The following AP4B1 variants were observed in gnomAD, a reference collection of about 807,000 sequenced individuals.
The protein encoded by AP4B1 is adaptor related protein complex 4 subunit beta 1.
Under a neutral mutation model 76.5 loss-of-function variants are expected in AP4B1, and 49 were observed. The observed-to-expected ratio is 0.64, with a 90% CI of 0.51 to 0.81. AP4B1 has a LOEUF of 0.81. Ranked by LOEUF, AP4B1 falls within the 40% of genes least tolerant of loss-of-function variation. The probability of loss-of-function intolerance (pLI) is 0.00; values close to 1 mark genes in which losing one functional copy is unlikely to be tolerated. For synonymous variants in AP4B1, 330 were observed against 333.3 expected (o/e 0.99, Z 0.11); for missense variants, 911 against 904.9 (o/e 1.01, Z -0.09).
At position 113,901,850 on chromosome 1, in the gene AP4B1, A is replaced by G; in HGVS notation, c.374T>C (p.Ile125Thr). Residue 125 changes from isoleucine to threonine, a missense_variant, in exon 3 of 10, where the codon ATT becomes ACT. By Grantham distance (89) the Ile-to-Thr change is moderately conservative. Coordinates refer to ENST00000369569, the MANE Select transcript of AP4B1 (RefSeq NM_001253852.3). ...PGVQEYIQQP[I>T]LNGLRDKASY... ...AGCCTTATCCCGCAGACCATTGAGA[A>G]TAGGCTGTTGTATATACTCCTGCAC... The G allele has an allele frequency of 6.2e-7, 1 of 1,614,150 alleles. No individual in the cohort carries two copies. The highest frequency in any genetic ancestry group is 8.5e-7 in the Non-Finnish European group (1 of 1,180,006).
intron 1 of AP4B1, among the ~76,000 whole-genome samples, chr1:113,903,446 T>C (rs1668566077): frequency 6.6e-6 from 1 of 152,218 alleles, no homozygotes; most frequent in South Asian, 2.1e-4. Context: ...GGACATAATC[T>C]TGAAGAAGGT....
chr1:113,896,167 G>T, intron 8 of AP4B1, 91 bp downstream of exon 8: 1 of 1,592,594 alleles, frequency 6.3e-7, no homozygotes, highest in Non-Finnish European at 8.6e-7. Flanking sequence ...TTTTCTTCTC[G>T]GGTCCCAGAC....
At position 113,895,225 on chromosome 1, in the gene AP4B1, T is replaced by A; in HGVS notation, c.2060A>T (p.Asp687Val). 6.2e-7 allele frequency: 1 copy of A among 1,614,208 alleles called. No individual in the cohort carries two copies. The change falls in exon 10 of 10, where the codon GAT (aspartate) becomes GTT (valine). Residue 687 changes from aspartate to valine, a missense_variant. Physicochemically the swap from Asp to Val is radical, Grantham distance 152. Coordinates refer to ENST00000369569, the MANE Select transcript of AP4B1 (RefSeq NM_001253852.3). ...RPWKAYLSAQDDTGCLFLTEL... is the reference protein window; with the variant it reads ...RPWKAYLSAQVDTGCLFLTEL... ...TGTTAAGAACAGACAGCCAGTATCA[T>A]CCTGAGCACTGAGGTATGCTTTCCA...
At chr1:113,896,195 G>A (rs774124679) in intron 8 of AP4B1, 63 bp downstream of exon 8, 1 of 1,604,900 alleles carries the variant, frequency 6.2e-7, no homozygotes, top group South Asian at 1.1e-5. Context: ...ACCAAACAAT[G>A]AAAGCTATTA....
At chr1:113,899,285 C>A in intron 5 of AP4B1, 2 of 1,016,946 alleles carry the variant, frequency 2.0e-6, no homozygotes, top group Non-Finnish European at 2.4e-6. Flanking sequence ...AAACTTGGCT[C>A]AACAGCTGTT....
At chr1:113,898,579 C>T in intron 6 of AP4B1, 139 bp downstream of exon 6, 1 of 771,492 alleles carries the variant, frequency 1.3e-6, no homozygotes, top group South Asian at 1.4e-5. Context: ...CTTTATGCTT[C>T]TCTAACAGCA....
rs768308955 is a variant in AP4B1, at chr1:113,895,186, T to C, written c.2099A>G (p.Glu700Gly). The change falls in exon 10 of 10, where the codon GAG becomes GGG. Residue 700 changes from glutamate (E) to glycine (G), a missense_variant. Transcript: ENST00000369569. ...GCLFLTELLLEPGNSEMQISV... is the reference protein window; with the variant it reads ...GCLFLTELLLGPGNSEMQISV... ...GATCTGCATTTCTGAGTTTCCAGGC[T>C]CCAATAGCAGTTCTGTTAAGAACAG... 1 of 1,614,198 alleles carries C rather than the reference T, an allele frequency of 6.2e-7. No individual in the cohort carries two copies. The highest frequency in any genetic ancestry group is 1.1e-5 in the South Asian group (1 of 91,082).
At chr1:113,903,057 A>T (rs1388198952) in intron 1 of AP4B1, among the ~76,000 whole-genome samples, 195 bp from the exon 2 acceptor site, 1 of 152,178 alleles carries the variant, frequency 6.6e-6, no homozygotes, top group Non-Finnish European at 1.5e-5. Flanking sequence ...TCTTCTATTC[A>T]TTCAACAAAC....
rs1423511519 is a variant in AP4B1 at position 113,895,094 on chromosome 1, TCA to T, written c.2189_2190del (p.Val730AspfsTer5). 3.1e-6 allele frequency: 5 copies of T among 1,613,930 alleles called. No individual in the cohort carries two copies. Among genetic ancestry groups the T allele is most frequent in the African/African-American group, 1.3e-5 (1 of 74,930 alleles). On this transcript the variant is annotated frameshift_variant, in exon 10 of 10. Transcript: ENST00000369569. LOFTEE classifies it high-confidence loss of function. ...LNSFISVLET[V>X]IGTIEEIKS ...GATTTTATTTCTTCAATTGTTCCAA[TCA>T]CAGTTTCTAATACAGAAATAAAACT...
In AP4B1 at chr1:113,904,671, G is replaced by A. The variant is rs780682711; in HGVS notation, c.47C>T (p.Ala16Val). ...AGCTTGAATGTGAGGATTGCACAGA[G>A]CCTTCTTCAGCTCCTTCACCACGTC... Reference protein sequence around the residue: ...SEDVVKELKKALCNPHIQADR... With the variant: ...SEDVVKELKKVLCNPHIQADR... Residue 16 changes from alanine to valine, a missense_variant, in exon 1 of 10, where the codon GCT (alanine) becomes GTT (valine). Transcript: ENST00000369569. The A allele has an allele frequency of 6.2e-7, 1 of 1,613,004 alleles. No homozygotes were observed. The highest frequency in any genetic ancestry group is 1.1e-5 in the South Asian group (1 of 91,030).
At position 113,896,354 on chromosome 1, in the gene AP4B1, C is replaced by T; in HGVS notation, c.1414G>A (p.Val472Ile). 1 of 1,614,220 alleles carries T rather than the reference C, an allele frequency of 6.2e-7. No individual in the cohort carries two copies. The highest frequency in any genetic ancestry group is 2.2e-5 in the East Asian group (1 of 44,888). ...ENVKSETFPAVKMELLTALLR... is the reference protein window; with the variant it reads ...ENVKSETFPAIKMELLTALLR... ...AAAGCAGTGAGCAGCTCCATCTTAA[C>T]AGCTGGAAATGTTTCCGACTTCACA... The change falls in exon 8 of 10, where the codon GTT (valine) becomes ATT (isoleucine). Residue 472 changes from valine to isoleucine, a missense_variant. By Grantham distance (29) the Val-to-Ile change is conservative (BLOSUM62 3). Coordinates refer to ENST00000369569, the MANE Select transcript of AP4B1 (RefSeq NM_001253852.3).
At chr1:113,895,534 T>C in intron 9 of AP4B1, 42 bp from the exon 10 acceptor site, 1 of 1,610,678 alleles carries the variant, frequency 6.2e-7, no homozygotes, top group Non-Finnish European at 8.5e-7. Flanking sequence ...GTTCTTAATC[T>C]GTAGGAGCTA....
chr1:113,897,826 G>C lies in AP4B1; in HGVS notation c.1302+14C>G, dbSNP rs79364253. The C allele has an allele frequency of 6.8e-5, 109 of 1,613,242 alleles. No homozygotes were observed. In the East Asian group the frequency reaches 2.4e-3, roughly 35 times the overall value. ...TCTCCCCCTACCTAGAAGTAAAGGA[G>C]AATTACAGTCTACCTCACTATCTTG... is the stretch of plus-strand genomic sequence containing the variant. On this transcript the variant is annotated intron_variant, in intron 7 of 9. Coordinates refer to ENST00000369569, the MANE Select transcript of AP4B1 (RefSeq NM_001253852.3).
intron 8 of AP4B1, 43 bp from the exon 9 acceptor site, chr1:113,896,081 C>T (rs1307055284): frequency 6.2e-7 from 1 of 1,613,436 alleles, no homozygotes; most frequent in East Asian, 2.2e-5. Flanking sequence ...AACAAAACCA[C>T]TTTCCTCCTA....
Position 113,900,205 on chromosome 1 carries a change from A to G in AP4B1, c.813T>C (p.Thr271=). 6.2e-7 allele frequency: 1 copy of G among 1,612,800 alleles called. No homozygotes were observed. Among genetic ancestry groups the G allele is most frequent in the Non-Finnish European group, 8.5e-7 (1 of 1,178,892 alleles). ...ILAKMFPHVQ[T]DVLVRVKGPL... is the part of the protein sequence containing the mutation. Reference sequence around the variant, plus strand: ...GTCCCTTGACCCGCACAAGGACATCAGTTTGTACGTGGGGAAACATTTTTG... The same window carrying G: ...GTCCCTTGACCCGCACAAGGACATCGGTTTGTACGTGGGGAAACATTTTTG... The change falls in exon 5 of 10, where the codon ACT becomes ACC. Residue 271 remains threonine, a synonymous_variant. Transcript: ENST00000369569.
At chr1:113,898,048 T>C in intron 6 of AP4B1, 105 bp from the exon 7 acceptor site, 2 of 1,575,974 alleles carry the variant, frequency 1.3e-6, no homozygotes, top group South Asian at 1.1e-5. Context: ...GCTGGATTTC[T>C]GTAAAATGGG....
In AP4B1 at chr1:113,895,488, G is replaced by T; in HGVS notation, c.1797C>A (p.Pro599=). The part of the protein sequence containing the change: ...PKTSSFAASG[P]LIPEENKERV... ...TCTCCTTGTTCTCTTCAGGAATCAA[G>T]GGTCCTAAAAGAGACAGAAAACTTG... Residue 599 remains proline (P), a synonymous_variant, in exon 10 of 10, where the codon CCC becomes CCA. Coordinates refer to ENST00000369569, the MANE Select transcript of AP4B1 (RefSeq NM_001253852.3). The T allele has an allele frequency of 6.2e-7, 1 of 1,614,162 alleles. No individual in the cohort carries two copies.
Position 113,901,746 on chromosome 1 carries a change from T to C in AP4B1, c.469+9A>G. 1 of 1,614,218 alleles carries C rather than the reference T, an allele frequency of 6.2e-7. No individual in the cohort carries two copies. The highest frequency in any genetic ancestry group is 1.1e-5 in the South Asian group (1 of 91,086). ...GCACATTGACCATGATGGATTACAC[T>C]GAACTTACCTACTTCAGAGTCTCCA... On this transcript the variant is annotated intron_variant, in intron 3 of 9. Coordinates refer to ENST00000369569, the MANE Select transcript of AP4B1 (RefSeq NM_001253852.3).
intron 3 of AP4B1, 135 bp from the exon 4 acceptor site, chr1:113,901,518 A>G (rs1426619031): frequency 8.2e-7 from 1 of 1,212,766 alleles, no homozygotes; most frequent in Admixed American, 2.4e-5. Flanking sequence ...ACTAAAGTGC[A>G]AGGCAAAAAA....
Sources: gnomAD v4.1 joint callset for allele counts (sites outside exome capture counted in the v4.1 genomes callset) on GRCh38, gnomAD v4.1.1 for gene constraint, MANE v1.5 for transcripts, NCBI Gene and HGNC (gene_info 2026-07-23, HGNC 2026-07-21) for gene names.